Variants in ESRRG observed in about 807,000 individuals in gnomAD.
ESRRG encodes estrogen-related receptor gamma.
Under a neutral mutation model 44.0 loss-of-function variants are expected in ESRRG, and 13 were observed. The ratio of observed to expected loss-of-function variants is 0.30; its 90% CI spans 0.19 to 0.47. The LOEUF is 0.47. ESRRG is among the 20% of genes least tolerant of loss of function. The probability of loss-of-function intolerance (pLI) is 1.00; values close to 1 mark genes in which losing one functional copy is unlikely to be tolerated. For synonymous variants in ESRRG, 215 were observed against 214.6 expected, an observed-to-expected ratio of 1.00 and a Z score of -0.02; for missense variants, 395 against 580.6, an observed-to-expected ratio of 0.68 and a Z score of 3.29.
intron 3 of ESRRG, among the ~76,000 whole-genome samples, chr1:216,590,944 T>A (rs982833928): frequency 6.6e-6 from 1 of 152,198 alleles, no homozygotes; most frequent in Admixed American, 6.5e-5. Context: ...AAGGTGATGT[T>A]CCATTTATAC....
upstream of ESRRG, among the ~76,000 whole-genome samples, chr1:216,726,108 T>C (rs1286549618): frequency 1.3e-5 from 2 of 152,202 alleles, no homozygotes; most frequent in African/African-American, 4.8e-5. Flanking sequence ...CAGAGATACA[T>C]GTACAAACAT....
chr1:216,608,475 C>A, intron 3 of ESRRG, among the ~76,000 whole-genome samples: 1 of 152,112 alleles, frequency 6.6e-6, no homozygotes, highest in East Asian at 1.9e-4. Flanking sequence ...ACATCTAAGA[C>A]CTTCTTAGGG....
chr1:216,692,782 G>A (rs2079311124), intron 1 of ESRRG, among the ~76,000 whole-genome samples: 3 of 152,110 alleles, frequency 2.0e-5, no homozygotes, highest in African/African-American at 7.2e-5. Context: ...TGTACCTTAT[G>A]TAGATACACA....
intron 1 of ESRRG, among the ~76,000 whole-genome samples, chr1:217,047,879 AG>A (rs2085176481): frequency 6.6e-6 from 1 of 152,124 alleles, no homozygotes; most frequent in Non-Finnish European, 1.5e-5. Flanking sequence ...GCCAAGGGAG[AG>A]AGAATATGCA....
At chr1:216,965,649 A>G (rs191713940) in intron 1 of ESRRG, among the ~76,000 whole-genome samples, 2 of 152,160 alleles carry the variant, frequency 1.3e-5, no homozygotes, top group African/African-American at 4.8e-5. Flanking sequence ...TCTATTAGAT[A>G]CATTCCTAGG....
intron 2 of ESRRG, among the ~76,000 whole-genome samples, chr1:216,758,453 C>T (rs531947244): frequency 2.6e-4 from 39 of 152,132 alleles, no homozygotes; most frequent in Admixed American, 2.2e-3. Context: ...CAAGTCAAGG[C>T]GCTTATCTCT....
chr1:216,632,705 G>A (rs1374504071), intron 3 of ESRRG, among the ~76,000 whole-genome samples: 4 of 151,944 alleles, frequency 2.6e-5, no homozygotes, highest in African/African-American at 9.7e-5. Flanking sequence ...AATTATTGAA[G>A]AGTTTTTAGG....
At chr1:217,051,052 A>T (rs1293277486) in intron 1 of ESRRG, among the ~76,000 whole-genome samples, 1 of 152,108 alleles carries the variant, frequency 6.6e-6, no homozygotes, top group Non-Finnish European at 1.5e-5. Context: ...AAGGGAAAAA[A>T]GAAATCGGGA....
intron 2 of ESRRG, among the ~76,000 whole-genome samples, chr1:216,900,071 C>T (rs576472258): frequency 6.6e-6 from 1 of 152,178 alleles, no homozygotes; most frequent in Non-Finnish European, 1.5e-5. Context: ...TATATGCTAT[C>T]CAAAGCTGCT....
intron 6 of ESRRG, among the ~76,000 whole-genome samples, chr1:216,515,242 T>A (rs2043879990): frequency 6.6e-6 from 1 of 151,946 alleles, no homozygotes; most frequent in Non-Finnish European, 1.5e-5. Context: ...ATAATATATA[T>A]ATGCATGGAT....
intron 3 of ESRRG, among the ~76,000 whole-genome samples, chr1:216,634,703 C>T (rs776933746): frequency 2.0e-5 from 3 of 152,180 alleles, no homozygotes; most frequent in Non-Finnish European, 4.4e-5. Flanking sequence ...CTCCACCTCA[C>T]TGATGCAACT....
chr1:216,631,531 C>A (rs2064179753), intron 3 of ESRRG, among the ~76,000 whole-genome samples: 1 of 152,118 alleles, frequency 6.6e-6, no homozygotes, highest in Admixed American at 6.5e-5. Context: ...CCCAGGCTCT[C>A]TAAACATCAT....
intron 2 of ESRRG, among the ~76,000 whole-genome samples, chr1:216,877,456 T>A (rs997375569): frequency 6.6e-6 from 1 of 151,490 alleles, no homozygotes; most frequent in Admixed American, 6.6e-5. Flanking sequence ...CAGGCTGGAG[T>A]GCAATGGTGC....
intron 1 of ESRRG, among the ~76,000 whole-genome samples, chr1:217,026,906 C>CAGAGAGAG (rs1190481305): frequency 2.0e-4 from 15 of 74,628 alleles, no homozygotes; most frequent in South Asian, 5.5e-4. Flanking sequence ...CACACACACA[C>CAGAGAGAG]ACACACAGAG....
At chr1:216,934,228 G>T (rs2063770883) in intron 2 of ESRRG, among the ~76,000 whole-genome samples, 1 of 152,144 alleles carries the variant, frequency 6.6e-6, no homozygotes, top group South Asian at 2.1e-4. Flanking sequence ...GAGGTCAGGA[G>T]TTCAAGACCA....
intron 1 of ESRRG, among the ~76,000 whole-genome samples, chr1:217,114,673 T>C (rs1414642789): frequency 2.7e-5 from 4 of 147,252 alleles, no homozygotes; most frequent in African/African-American, 5.0e-5. Context: ...ATTTCTTTTT[T>C]TTTTTTTTTT....
chr1:216,734,905 T>TC (rs35873885), intron 2 of ESRRG, among the ~76,000 whole-genome samples: 2 of 4,800 alleles, frequency 4.2e-4, no homozygotes, highest in African/African-American at 8.8e-4. Context: ...TTCCATATTC[T>TC]TTTTTTTTTT....
At chr1:217,010,446 G>A (rs1410020950) in intron 1 of ESRRG, among the ~76,000 whole-genome samples, 2 of 152,182 alleles carry the variant, frequency 1.3e-5, no homozygotes, top group Non-Finnish European at 2.9e-5. Flanking sequence ...GTGTCATGTT[G>A]ACTCATCTCT....
intron 1 of ESRRG, among the ~76,000 whole-genome samples, chr1:217,060,818 A>AGATAGATAGATAGATAGATAGAT (rs141474357): frequency 1.2e-3 from 181 of 150,132 alleles, no homozygotes; most frequent in Non-Finnish European, 1.4e-3. Flanking sequence ...ATAGATAGAT[A>AGATAGATAGATAGATAGATAGAT]GATAGATAGA....
Sources: allele counts gnomAD v4.1 joint callset (sites outside exome capture counted in the v4.1 genomes callset), GRCh38; gene constraint gnomAD v4.1.1; transcripts MANE v1.5; gene names NCBI Gene and HGNC (gene_info 2026-07-23, HGNC 2026-07-21).